The following CCDC80 variants were observed in gnomAD, a reference collection of about 807,000 sequenced individuals.
The protein encoded by CCDC80 is coiled-coil domain-containing protein 80.
CCDC80 carries 49 observed loss-of-function variants against 78.7 expected under a neutral mutation model. The ratio of observed to expected loss-of-function variants is 0.62; its 90% CI spans 0.50 to 0.79. The LOEUF is 0.79. CCDC80 is among the 30% of genes least tolerant of loss of function. The pLI is 0.00. For synonymous variants in CCDC80, 488 were observed against 447.0 expected (o/e 1.09, Z -1.16); for missense variants, 1,205 against 1,198.6 (o/e 1.01, Z -0.08).
rs1935293959 is a variant in CCDC80, at chr3:112,597,015, CTG to C, written c.*8400_*8401del. On this transcript the variant is annotated 3_prime_UTR_variant, in exon 8 of 8. Transcript: ENST00000206423. ...GTCATTCCCAACAGGGTCTTTATGT[CTG>C]TCTGGTCATGTTATCAGCCAGTCTT... The C allele has an allele frequency of 6.6e-6, 1 of 152,122 alleles. No homozygotes were observed. The highest frequency in any genetic ancestry group is 1.5e-5 in the Non-Finnish European group (1 of 68,016). The allele number at this position is 152,122 out of a possible 1,614,324, so 9.4% of individuals were successfully genotyped here.
At chr3:112,606,562 A>G (rs1019146219) in intron 7 of CCDC80, among the ~76,000 whole-genome samples, 2 of 152,312 alleles carry the variant, frequency 1.3e-5, no homozygotes, top group East Asian at 1.9e-4. Flanking sequence ...GGTAGCTGGG[A>G]CTACAGGCGC....
rs1390939182 is a variant in CCDC80, at chr3:112,605,281, AT to A, written c.*135del. ...ACTCATGAATAGGTGAAAGTTTGCT[AT>A]TTATTTAGTCTTAGAAAAACACTGA... On this transcript the variant is annotated 3_prime_UTR_variant, in exon 8 of 8. Coordinates refer to ENST00000206423, the MANE Select transcript of CCDC80 (RefSeq NM_199511.3). 6 of 589,834 alleles carry A rather than the reference AT, an allele frequency of 1.0e-5. No individual in the cohort carries two copies. Among genetic ancestry groups the A allele is most frequent in the Non-Finnish European group, 1.5e-5 (5 of 341,914 alleles). 36.5% of individuals were successfully genotyped at this position (589,834 alleles called of 1,614,324 possible).
chr3:112,637,925 A>G, intron 2 of CCDC80, 103 bp downstream of exon 2: 1 of 1,507,612 alleles, frequency 6.6e-7, no homozygotes, highest in South Asian at 1.4e-5. Flanking sequence ...AGGTTCAGTC[A>G]CAGTCTGGCA....
intron 2 of CCDC80, among the ~76,000 whole-genome samples, chr3:112,630,983 C>T (rs962348559): frequency 1.3e-5 from 2 of 151,896 alleles, no homozygotes; most frequent in Non-Finnish European, 2.9e-5. Context: ...CTCTGTCTTT[C>T]ATCCTCATCC....
intron 3 of CCDC80, among the ~76,000 whole-genome samples, chr3:112,629,509 G>A (rs1328703313): frequency 6.6e-6 from 1 of 152,180 alleles, no homozygotes; most frequent in Non-Finnish European, 1.5e-5. Flanking sequence ...ACACTGGGCT[G>A]TACGCCTCAT....
intron 5 of CCDC80, among the ~76,000 whole-genome samples, chr3:112,615,354 ATGCT>A (rs1181286143): frequency 6.6e-6 from 1 of 152,122 alleles, no homozygotes; most frequent in Non-Finnish European, 1.5e-5. Flanking sequence ...TGTGTATTAC[ATGCT>A]TGCTTGGTTT....
intron 2 of CCDC80, among the ~76,000 whole-genome samples, chr3:112,633,334 ATTCT>A (rs1936136754): frequency 6.6e-6 from 1 of 151,858 alleles, no homozygotes; most frequent in African/African-American, 2.4e-5. Flanking sequence ...TCTAAATCTC[ATTCT>A]TTCTTTCAAT....
chr3:112,622,649 A>T (rs188607104), intron 3 of CCDC80, among the ~76,000 whole-genome samples: 47 of 151,876 alleles, frequency 3.1e-4, no homozygotes, highest in Admixed American at 1.1e-3. Context: ...TTCTTTTTTT[A>T]AAAAAAATTA....
Position 112,639,348 on chromosome 3 carries a change from C to T in CCDC80, c.558G>A (p.Gln186=). 1 of 1,614,188 alleles carries T rather than the reference C, an allele frequency of 6.2e-7. No homozygotes were observed. Residue 186 remains glutamine (Q), a synonymous_variant, in exon 2 of 8, where the codon CAG becomes CAA. Coordinates refer to ENST00000206423, the MANE Select transcript of CCDC80 (RefSeq NM_199511.3). ...YCELAERHIQ[Q]IVLFHQAGEE... is the part of the protein sequence containing the mutation. ...CACCTGCCTGGTGGAAGAGCACAATCTGTTGGATGTGCCTCTCCGCCAGCT... is the reference window on the plus strand; with the variant it reads ...CACCTGCCTGGTGGAAGAGCACAATTTGTTGGATGTGCCTCTCCGCCAGCT...
Position 112,636,577 on chromosome 3 carries a change from T to C in CCDC80, c.1878+1451A>G, listed in dbSNP as rs540763204. Among the ~76,000 whole-genome samples the C allele has an allele frequency of 2.5e-4, 38 of 152,368 alleles. No homozygotes were observed. The South Asian group carries it at 7.9e-3, about 32-fold the overall frequency. On this transcript the variant is annotated intron_variant, in intron 2 of 7. Transcript: ENST00000206423. The stretch of plus-strand genomic sequence containing the variant: ...ACTTTGCTCTGAGTAATATTTCAAA[T>C]GCACATTTAAACTTTCTGAAACAAC...
intron 2 of CCDC80, among the ~76,000 whole-genome samples, chr3:112,636,479 C>T (rs1200833814): frequency 6.6e-6 from 1 of 152,186 alleles, no homozygotes; most frequent in Non-Finnish European, 1.5e-5. Flanking sequence ...TACTCTAATA[C>T]ACAGACCTAC....
intron 1 of CCDC80, among the ~76,000 whole-genome samples, 194 bp from the exon 2 acceptor site, chr3:112,640,110 A>G (rs927749352): frequency 1.3e-5 from 2 of 152,190 alleles, no homozygotes; most frequent in African/African-American, 4.8e-5. Flanking sequence ...AATCCCCTAT[A>G]ATTTGTTAGT....
Position 112,638,543 on chromosome 3 carries a change from T to C in CCDC80, c.1363A>G (p.Thr455Ala). 4 of 1,614,054 alleles carry C rather than the reference T, an allele frequency of 2.5e-6. No homozygotes were observed. Among genetic ancestry groups the C allele is most frequent in the Non-Finnish European group, 3.4e-6 (4 of 1,179,988 alleles). Reference sequence around the variant, plus strand: ...AAACGGCCTGGGCCAGCAGCCCTTGTGCTGGGTTCTGAGATGGTGGTGGGA... The same window carrying C: ...AAACGGCCTGGGCCAGCAGCCCTTGCGCTGGGTTCTGAGATGGTGGTGGGA... ...APPTTISEPSTRAAGPGRFRD... is the reference protein window; with the variant it reads ...APPTTISEPSARAAGPGRFRD... Residue 455 changes from threonine (T) to alanine (A), a missense_variant, in exon 2 of 8, where the codon ACA becomes GCA. By Grantham distance (58) the Thr-to-Ala change is moderately conservative (BLOSUM62 0). Transcript: ENST00000206423.
At chr3:112,619,471 A>G (rs1413732108) in intron 3 of CCDC80, among the ~76,000 whole-genome samples, 1 of 152,196 alleles carries the variant, frequency 6.6e-6, no homozygotes, top group Admixed American at 6.5e-5. Flanking sequence ...GGACCGACCC[A>G]GACAATTTGT....
chr3:112,610,985 C>CA (rs1935613671), intron 5 of CCDC80, among the ~76,000 whole-genome samples: 1 of 145,796 alleles, frequency 6.9e-6, no homozygotes, highest in East Asian at 2.0e-4. Flanking sequence ...ATGAACTCGG[C>CA]TCACTGCAAC....
chr3:112,639,514 C>T lies in CCDC80; in HGVS notation c.392G>A (p.Arg131His), dbSNP rs1400184415. The T allele has an allele frequency of 1.2e-6, 2 of 1,614,188 alleles. No individual in the cohort carries two copies. The highest frequency in any genetic ancestry group is 1.7e-6 in the Non-Finnish European group (2 of 1,180,026). ...EGSSARSRML[R>H]FPSGSSSPNI... ...GGGAGAGCTGGACCCCGAAGGGAAA[C>T]GCAACATTCTTGACCGAGCTGAGGA... The change falls in exon 2 of 8, where the codon CGT becomes CAT. Residue 131 changes from arginine (R) to histidine (H), a missense_variant. Arg to His is a conservative substitution (Grantham distance 29). Coordinates refer to ENST00000206423, the MANE Select transcript of CCDC80 (RefSeq NM_199511.3).
intron 5 of CCDC80, chr3:112,610,427 A>G (rs1481227690): frequency 3.1e-6 from 1 of 327,260 alleles, no homozygotes; most frequent in Non-Finnish European, 5.9e-6. Context: ...AATGGAAATG[A>G]GAAACTCAGA....
chr3:112,613,183 A>G (rs1446190252), intron 5 of CCDC80, among the ~76,000 whole-genome samples: 1 of 152,214 alleles, frequency 6.6e-6, no homozygotes, highest in African/African-American at 2.4e-5. Context: ...GCTAGTAAAT[A>G]GAGGAACCTG....
chr3:112,605,849 G>C, intron 7 of CCDC80, 86 bp from the exon 8 acceptor site: 3 of 1,092,352 alleles, frequency 2.7e-6, no homozygotes, highest in South Asian at 3.2e-5. Flanking sequence ...ATTACTGTGA[G>C]AATAGGGAGG....
Sources: gnomAD v4.1 joint callset for allele counts (sites outside exome capture counted in the v4.1 genomes callset) on GRCh38, gnomAD v4.1.1 for gene constraint, MANE v1.5 for transcripts, NCBI Gene and HGNC (gene_info 2026-07-23, HGNC 2026-07-21) for gene names.